Variants in TMED1 observed in about 807,000 individuals in gnomAD.
TMED1 encodes the protein transmembrane emp24 domain-containing protein 1.
In TMED1, 20 loss-of-function variants were observed where a neutral mutation model predicts 21.2. The ratio of observed to expected loss-of-function variants is 0.95; its 90% CI spans 0.67 to 1.37. The LOEUF (loss-of-function observed/expected upper bound fraction) is 1.37. Among genes scored for constraint, TMED1 ranks in the 40% most tolerant of loss-of-function variants. The pLI, the probability that TMED1 is intolerant of heterozygous loss-of-function variation, is 0.00. For synonymous variants in TMED1, 149 were observed against 134.7 expected (o/e 1.11, Z -0.74); for missense variants, 316 against 309.8 (o/e 1.02, Z -0.15).
chr19:10,835,551 C>A, intron 1 of TMED1, 198 bp from the exon 2 acceptor site: 1 of 1,443,108 alleles, frequency 6.9e-7, no homozygotes. Flanking sequence ...AGCTTGGGGT[C>A]CATACTTTCA....
rs773659088 is a variant in TMED1 at position 10,832,927 on chromosome 19, C to T, written c.*68G>A. On this transcript the variant is annotated 3_prime_UTR_variant, in exon 4 of 4. Coordinates refer to ENST00000214869, the MANE Select transcript of TMED1 (RefSeq NM_006858.4). The stretch of plus-strand genomic sequence containing the variant: ...GCAGGAAACTAAAATTGGGGAGGGA[C>T]CCCCAAGTCTCATATGCACACACCC... 1 of 1,554,846 alleles carries T rather than the reference C, an allele frequency of 6.4e-7. No individual in the cohort carries two copies. Among genetic ancestry groups the T allele is most frequent in the East Asian group, 2.3e-5 (1 of 44,132 alleles).
At chr19:10,835,952 G>T in intron 1 of TMED1, 57 bp downstream of exon 1, 7 of 1,499,752 alleles carry the variant, frequency 4.7e-6, no homozygotes, top group Non-Finnish European at 6.2e-6. Context: ...CGCCTCGACC[G>T]CTTGGCCACG....
At position 10,833,046 on chromosome 19, in the gene TMED1, C is replaced by A. The variant is rs866038269; in HGVS notation, c.633G>T (p.Gln211His). Reference sequence around the variant, plus strand: ...GGAAGAAGCGCTTGAGCGTGCAGACCTGCAGCACAGCCACCAGCAGCAGCA... The same window carrying A: ...GGAAGAAGCGCTTGAGCGTGCAGACATGCAGCACAGCCACCAGCAGCAGCA... ...VAVLLLVAVL[Q>H]VCTLKRFFQD... The change falls in exon 4 of 4, where the codon CAG becomes CAT. Residue 211 changes from glutamine to histidine, a missense_variant. Gln to His is a conservative substitution (Grantham distance 24). Coordinates refer to ENST00000214869, the MANE Select transcript of TMED1 (RefSeq NM_006858.4). The A allele has an allele frequency of 1.9e-6, 3 of 1,613,880 alleles. No individual in the cohort carries two copies. In the Admixed American group the frequency reaches 5.0e-5, roughly 27 times the overall value.
At chr19:10,835,698 CCCCG>C in intron 1 of TMED1, 1 of 1,403,500 alleles carries the variant, frequency 7.1e-7, no homozygotes, top group East Asian at 2.6e-5. Flanking sequence ...TGGGCAACGC[CCCCG>C]CAGTTGACCT....
rs377037897 is a variant in TMED1 at position 10,835,365 on chromosome 19, G to A, written c.184-12C>T. 87 of 1,613,174 alleles carry A rather than the reference G, an allele frequency of 5.4e-5. No individual in the cohort carries two copies. Among genetic ancestry groups the A allele is most frequent in the Non-Finnish European group, 6.9e-5 (81 of 1,179,852 alleles). ...GCACCTCCGATCACCTGGGGGGCAGGTAAGAGCGGGTGGAGGGCTAGCGGT... is the reference window on the plus strand; with the variant it reads ...GCACCTCCGATCACCTGGGGGGCAGATAAGAGCGGGTGGAGGGCTAGCGGT... On this transcript the variant is annotated splice_polypyrimidine_tract_variant and intron_variant, in intron 1 of 3. Coordinates refer to ENST00000214869, the MANE Select transcript of TMED1 (RefSeq NM_006858.4).
Position 10,835,997 on chromosome 19 carries a change from G to T in TMED1, c.183+12C>A, listed in dbSNP as rs1207421772. On this transcript the variant is annotated intron_variant, in intron 1 of 3. Coordinates refer to ENST00000214869, the MANE Select transcript of TMED1 (RefSeq NM_006858.4). ...CCTGACTCTGCTGGCCGCCCAGCCC[G>T]CGACCCTCTACCTGGTATTCGGTCT... The T allele has an allele frequency of 6.4e-7, 1 of 1,570,348 alleles. No individual in the cohort carries two copies. Among genetic ancestry groups the T allele is most frequent in the Non-Finnish European group, 8.6e-7 (1 of 1,158,416 alleles).
chr19:10,832,841 T>C lies in TMED1; in HGVS notation c.*154A>G, dbSNP rs2073374789. Reference sequence around the variant, plus strand: ...CAAGCCAGAGGTGTTCCCTGCCCGCTGAGGACGGAAGGAGACTCATGGGGC... The same window carrying C: ...CAAGCCAGAGGTGTTCCCTGCCCGCCGAGGACGGAAGGAGACTCATGGGGC... On this transcript the variant is annotated 3_prime_UTR_variant, in exon 4 of 4. Transcript: ENST00000214869. 1.2e-6 allele frequency: 1 copy of C among 812,306 alleles called. No individual in the cohort carries two copies. The highest frequency in any genetic ancestry group is 1.9e-6 in the Non-Finnish European group (1 of 518,962). 50.3% of individuals were successfully genotyped at this position (812,306 alleles called of 1,614,324 possible).
In TMED1 at chr19:10,832,332, CCTTT is replaced by C; in HGVS notation, c.*659_*662del. On this transcript the variant is annotated 3_prime_UTR_variant, in exon 4 of 4. Coordinates refer to ENST00000214869, the MANE Select transcript of TMED1 (RefSeq NM_006858.4). The stretch of plus-strand genomic sequence containing the variant: ...ACCACCTCCATCGGCTCCCGCACGA[CCTTT>C]CTTCTGAGCTTCGTGGGAGGCCCCT... 7.8e-7 allele frequency: 1 copy of C among 1,289,874 alleles called. No homozygotes were observed. Among genetic ancestry groups the C allele is most frequent in the Middle Eastern group, 2.1e-4 (1 of 4,698 alleles). 79.9% of individuals were successfully genotyped at this position (1,289,874 alleles called of 1,614,324 possible). A position where few individuals can be genotyped will look rare whatever the true frequency, so the allele number is the denominator to read the frequency against.
chr19:10,832,903 C>G lies in TMED1; in HGVS notation c.*92G>C. The G allele has an allele frequency of 6.8e-7, 1 of 1,462,670 alleles. No homozygotes were observed. Among genetic ancestry groups the G allele is most frequent in the Non-Finnish European group, 9.3e-7 (1 of 1,076,102 alleles). 90.6% of individuals were successfully genotyped at this position (1,462,670 alleles called of 1,614,324 possible). A position where few individuals can be genotyped will look rare whatever the true frequency, so the allele number is the denominator to read the frequency against. On this transcript the variant is annotated 3_prime_UTR_variant, in exon 4 of 4. Coordinates refer to ENST00000214869, the MANE Select transcript of TMED1 (RefSeq NM_006858.4). Reference sequence around the variant, plus strand: ...CCCTGACTGCACACTCCCGTTTTGGCAGGAAACTAAAATTGGGGAGGGACC... The same window carrying G: ...CCCTGACTGCACACTCCCGTTTTGGGAGGAAACTAAAATTGGGGAGGGACC...
intron 3 of TMED1, 30 bp from the exon 4 acceptor site, chr19:10,833,243 G>A: frequency 1.3e-6 from 2 of 1,575,674 alleles, no homozygotes; most frequent in East Asian, 4.6e-5. Flanking sequence ...GAAGGGTCAG[G>A]CCTCCCTCCA....
chr19:10,835,689 G>C (rs2073420038), intron 1 of TMED1: 1 of 1,399,636 alleles, frequency 7.1e-7, no homozygotes, highest in South Asian at 1.6e-5. Flanking sequence ...AGGCCTGTGT[G>C]GGCAACGCCC....
chr19:10,833,127 G>T lies in TMED1; in HGVS notation c.552C>A (p.Asn184Lys). 3.7e-6 allele frequency: 6 copies of T among 1,614,076 alleles called. No individual in the cohort carries two copies. Among genetic ancestry groups the T allele is most frequent in the Non-Finnish European group, 5.1e-6 (6 of 1,180,056 alleles). ...CCCGCTCCAAGTTGCCCTCTTGCAG[G>T]TTGCGGTCACGTGCCTCGAAGGCCC... The part of the protein sequence containing the change: ...LLRAFEARDR[N>K]LQEGNLERVN... Residue 184 changes from asparagine (N) to lysine (K), a missense_variant, in exon 4 of 4, where the codon AAC (asparagine) becomes AAA (lysine). Transcript: ENST00000214869.
rs2073368266 is a variant in TMED1 at position 10,832,387 on chromosome 19, G to A, written c.*608C>T. The A allele has an allele frequency of 7.8e-7, 1 of 1,287,708 alleles. No individual in the cohort carries two copies. The highest frequency in any genetic ancestry group is 1.0e-6 in the Non-Finnish European group (1 of 987,008). 79.8% of individuals were successfully genotyped at this position (1,287,708 alleles called of 1,614,324 possible). A position where few individuals can be genotyped will look rare whatever the true frequency, so the allele number is the denominator to read the frequency against. ...CCCACCTGTCTGGCTGCCCCCTCGGGGGCCGGTCTGTCCTGGCTGGTGTCC... is the reference window on the plus strand; with the variant it reads ...CCCACCTGTCTGGCTGCCCCCTCGGAGGCCGGTCTGTCCTGGCTGGTGTCC... On this transcript the variant is annotated 3_prime_UTR_variant, in exon 4 of 4. Coordinates refer to ENST00000214869, the MANE Select transcript of TMED1 (RefSeq NM_006858.4).
chr19:10,835,637 G>T (rs949449810), intron 1 of TMED1: 10 of 1,408,458 alleles, frequency 7.1e-6, no homozygotes, highest in Non-Finnish European at 9.2e-6. Context: ...GCCTCCGAAA[G>T]AGGATAGGCC....
rs1002865126 is a variant in TMED1 at position 10,832,381 on chromosome 19, C to A, written c.*614G>T. 33 of 1,289,382 alleles carry A rather than the reference C, an allele frequency of 2.6e-5. No individual in the cohort carries two copies. In the African/African-American group the frequency reaches 4.7e-4, roughly 18 times the overall value. 79.9% of individuals were successfully genotyped at this position (1,289,382 alleles called of 1,614,324 possible). On this transcript the variant is annotated 3_prime_UTR_variant, in exon 4 of 4. Transcript: ENST00000214869. The stretch of plus-strand genomic sequence containing the variant: ...GCCCCTCCCACCTGTCTGGCTGCCC[C>A]CTCGGGGGCCGGTCTGTCCTGGCTG...
In TMED1 at chr19:10,834,034, C is replaced by T. The variant is rs566073112; in HGVS notation, c.466-821G>A. Among the ~76,000 whole-genome samples, 9 of 152,202 alleles carry T rather than the reference C, an allele frequency of 5.9e-5. No individual in the cohort carries two copies. In the East Asian group the frequency reaches 7.7e-4, roughly 13 times the overall value. The stretch of plus-strand genomic sequence containing the variant: ...AAAATACAAAAATTAGTCAGTCAGG[C>T]GTGGTGGCACAGCTATTCAGGAGGC... On this transcript the variant is annotated intron_variant, in intron 3 of 3. Coordinates refer to ENST00000214869, the MANE Select transcript of TMED1 (RefSeq NM_006858.4).
chr19:10,835,253 C>T lies in TMED1; in HGVS notation c.281+3G>A. ...CCCAGGCAGGCATCAAGACTGAACT[C>T]ACGTGTGTACCCCATCAGCCTTGCG... On this transcript the variant is annotated splice_donor_region_variant and intron_variant, in intron 2 of 3. Transcript: ENST00000214869. The T allele has an allele frequency of 6.2e-7, 1 of 1,614,120 alleles. No individual in the cohort carries two copies. Among genetic ancestry groups the T allele is most frequent in the South Asian group, 1.1e-5 (1 of 91,074 alleles).
In TMED1 at chr19:10,832,144, G is replaced by A. The variant is rs540513568; in HGVS notation, c.*851C>T. 3.3e-5 allele frequency among the ~76,000 whole-genome samples: 5 copies of A among 152,280 alleles called. No homozygotes were observed. Among genetic ancestry groups the A allele is most frequent in the African/African-American group, 9.6e-5 (4 of 41,560 alleles). ...TCTCTGACCCCCTGCACACCCCCAC[G>A]TGCACAGGCCTGGCTGCTGCCTGGT... On this transcript the variant is annotated 3_prime_UTR_variant, in exon 4 of 4. Coordinates refer to ENST00000214869, the MANE Select transcript of TMED1 (RefSeq NM_006858.4).
At chr19:10,835,651 C>A in intron 1 of TMED1, 1 of 1,404,612 alleles carries the variant, frequency 7.1e-7, no homozygotes. Flanking sequence ...ATAGGCCCAG[C>A]CTTTTTCCTT....
Sources: gnomAD v4.1 joint callset for allele counts (sites outside exome capture counted in the v4.1 genomes callset) on GRCh38, gnomAD v4.1.1 for gene constraint, MANE v1.5 for transcripts, NCBI Gene and HGNC (gene_info 2026-07-23, HGNC 2026-07-21) for gene names.